The following PCDH9 variants were observed in gnomAD, a reference collection of about 807,000 sequenced individuals.
PCDH9 encodes the protein protocadherin-9.
A neutral mutation model predicts 70.6 loss-of-function variants in PCDH9; 24 were observed. The observed-to-expected ratio is 0.34, with a 90% CI of 0.25 to 0.48. The LOEUF is 0.48. Ranked by LOEUF, PCDH9 falls within the 20% of genes least tolerant of loss-of-function variation. The probability of loss-of-function intolerance (pLI) is 0.99; values close to 1 mark genes in which losing one functional copy is unlikely to be tolerated. For missense variants in PCDH9, 1,281 were observed against 1,503.6 expected (o/e 0.85, Z 2.45); for synonymous variants, 562 against 558.5 (o/e 1.01, Z -0.09).
intron 4 of PCDH9, among the ~76,000 whole-genome samples, chr13:66,611,571 A>G (rs9571606): frequency 0.63 from 96,033 of 151,962 alleles, 30,811 homozygotes; most frequent in East Asian, 0.84. Flanking sequence ...GCTAAATCAC[A>G]TGATTTTTAG....
chr13:66,956,813 G>A (rs1415485825), intron 2 of PCDH9, among the ~76,000 whole-genome samples: 3 of 152,048 alleles, frequency 2.0e-5, no homozygotes. Flanking sequence ...TGTATATTCG[G>A]ATAGGCCATT....
intron 2 of PCDH9, among the ~76,000 whole-genome samples, chr13:67,072,647 T>C (rs1225585651): frequency 6.6e-6 from 1 of 152,044 alleles, no homozygotes; most frequent in Admixed American, 6.6e-5. Context: ...AAGATATTCA[T>C]CCCAAATTAT....
chr13:66,700,917 CATATAAATATATATATATATATATAT>C lies in PCDH9; in HGVS notation c.3139-69532_3139-69507del, dbSNP rs1235289941. ...ATATATATGAAAATATATGTGTGTA[CATATAAATATATATATATATATATAT>C]ATATATATATATATATATATATATA... On this transcript the variant is annotated intron_variant, in intron 3 of 4. Coordinates refer to ENST00000377865, the MANE Select transcript of PCDH9 (RefSeq NM_203487.3). Among the ~76,000 whole-genome samples the C allele has an allele frequency of 1.7e-3, 89 of 51,772 alleles. 1 individual carries two copies. The highest frequency in any genetic ancestry group is 9.6e-3 in the South Asian group (13 of 1,348). 34.0% of individuals were successfully genotyped at this position (51,772 alleles called of 152,430 possible).
intron 3 of PCDH9, among the ~76,000 whole-genome samples, chr13:66,661,443 G>C (rs1480109069): frequency 6.6e-6 from 1 of 152,128 alleles, no homozygotes; most frequent in East Asian, 1.9e-4. Flanking sequence ...AATATTGTTT[G>C]CTGAGTAATA....
intron 3 of PCDH9, among the ~76,000 whole-genome samples, chr13:66,717,897 G>C (rs945211854): frequency 5.3e-5 from 8 of 152,126 alleles, no homozygotes; most frequent in African/African-American, 1.9e-4. Context: ...TTCTCAAGTA[G>C]AGCAAGACAG....
Position 66,304,693 on chromosome 13 carries a change from C to T in PCDH9, c.3676G>A (p.Gly1226Arg). The T allele has an allele frequency of 1.2e-6, 2 of 1,613,334 alleles. No individual in the cohort carries two copies. Among genetic ancestry groups the T allele is most frequent in the Non-Finnish European group, 1.7e-6 (2 of 1,179,554 alleles). Residue 1226 changes from glycine (G) to arginine (R), a missense_variant, in exon 5 of 5, where the codon GGA becomes AGA. Around this residue, in one of 4 missense-constraint regions of PCDH9, gnomAD observed 264 missense variants for 278.8 expected, o/e 0.95. Transcript: ENST00000377865. ...TCCTTAGGACTCTCAGTAGCACCTC[C>T]TGCTTGCTTATAAGACTTCAGATTT... is the stretch of plus-strand genomic sequence containing the variant. ...LANLKSYKQA[G>R]GATESPKEHQ...
chr13:67,067,170 C>A (rs927318418), intron 2 of PCDH9, among the ~76,000 whole-genome samples: 9 of 152,158 alleles, frequency 5.9e-5, no homozygotes, highest in Non-Finnish European at 1.2e-4. Flanking sequence ...TATTTTCCTT[C>A]AATTTAATTG....
At chr13:66,530,730 TA>T (rs538081038) in intron 4 of PCDH9, among the ~76,000 whole-genome samples, 2 of 151,412 alleles carry the variant, frequency 1.3e-5, no homozygotes, top group South Asian at 2.1e-4. Context: ...AAGATGATAG[TA>T]AAAAAAAATA....
intron 3 of PCDH9, among the ~76,000 whole-genome samples, chr13:66,709,042 T>C (rs2078756396): frequency 6.6e-6 from 1 of 152,242 alleles, no homozygotes; most frequent in African/African-American, 2.4e-5. Context: ...GCTTTAGCCA[T>C]AAGATAGTCT....
chr13:66,899,697 A>G (rs187901439), intron 3 of PCDH9, among the ~76,000 whole-genome samples: 1 of 152,070 alleles, frequency 6.6e-6, no homozygotes, highest in East Asian at 1.9e-4. Flanking sequence ...GTGACAATGA[A>G]ATACGGATCA....
At chr13:66,816,086 T>C (rs1395041126) in intron 3 of PCDH9, among the ~76,000 whole-genome samples, 2 of 152,250 alleles carry the variant, frequency 1.3e-5, no homozygotes, top group Non-Finnish European at 2.9e-5. Context: ...TAGGCAAAAG[T>C]TCATTGAGTG....
chr13:67,136,849 G>A (rs1270488225), intron 2 of PCDH9, among the ~76,000 whole-genome samples: 2 of 151,972 alleles, frequency 1.3e-5, no homozygotes. Context: ...GTTTACAAAG[G>A]TTAGTTTATA....
At chr13:66,950,538 T>G (rs1274687391) in intron 2 of PCDH9, among the ~76,000 whole-genome samples, 2 of 152,082 alleles carry the variant, frequency 1.3e-5, no homozygotes, top group Non-Finnish European at 2.9e-5. Context: ...GATGTTAGCT[T>G]TTGTTCTGGG....
At chr13:67,160,950 A>G (rs2087941459) in intron 2 of PCDH9, among the ~76,000 whole-genome samples, 1 of 152,264 alleles carries the variant, frequency 6.6e-6, no homozygotes, top group Non-Finnish European at 1.5e-5. Context: ...CTGAAATGCA[A>G]GTAGCATGGG....
intron 2 of PCDH9, among the ~76,000 whole-genome samples, chr13:66,981,001 G>A (rs1423170807): frequency 2.6e-5 from 4 of 151,758 alleles, no homozygotes; most frequent in Non-Finnish European, 2.9e-5. Flanking sequence ...TAAAGTAAGC[G>A]CCATGTGTTT....
intron 3 of PCDH9, among the ~76,000 whole-genome samples, chr13:66,683,544 A>G (rs901978990): frequency 1.3e-5 from 2 of 152,148 alleles, no homozygotes; most frequent in Non-Finnish European, 2.9e-5. Context: ...GCTAGCACTC[A>G]CTATGTTGGT....
chr13:66,664,446 T>TC (rs2078064617), intron 3 of PCDH9, among the ~76,000 whole-genome samples: 1 of 151,732 alleles, frequency 6.6e-6, no homozygotes, highest in Admixed American at 6.6e-5. Flanking sequence ...AATGGGCTTT[T>TC]TTTTTTTTAA....
At chr13:67,171,594 G>A (rs1311871274) in intron 2 of PCDH9, among the ~76,000 whole-genome samples, 1 of 152,172 alleles carries the variant, frequency 6.6e-6, no homozygotes, top group Non-Finnish European at 1.5e-5. Context: ...CTCTGGTTAT[G>A]TTATACCTTT....
At chr13:67,139,855 T>G (rs1355508725) in intron 2 of PCDH9, among the ~76,000 whole-genome samples, 1 of 152,212 alleles carries the variant, frequency 6.6e-6, no homozygotes, top group Non-Finnish European at 1.5e-5. Context: ...TCACAAATGA[T>G]AAACAGTTAA....
Sources: gnomAD v4.1 joint callset for allele counts (sites outside exome capture counted in the v4.1 genomes callset) on GRCh38, gnomAD v4.1.1 for gene constraint, gnomAD v4.1.1 regional missense constraint, MANE v1.5 for transcripts, NCBI Gene and HGNC (gene_info 2026-07-23, HGNC 2026-07-21) for gene names.